The following SLCO3A1 variants were observed in gnomAD, a reference collection of about 807,000 sequenced individuals.
SLCO3A1 encodes PGE1 transporter.
SLCO3A1 carries 27 observed loss-of-function variants against 63.1 expected under a neutral mutation model. The ratio of observed to expected loss-of-function variants is 0.43; its 90% CI spans 0.32 to 0.59. SLCO3A1 has a LOEUF of 0.59. Among genes scored for constraint, SLCO3A1 ranks in the 20% least tolerant of loss-of-function variants. The probability of loss-of-function intolerance (pLI) is 0.09; values close to 1 mark genes in which losing one functional copy is unlikely to be tolerated. For missense variants in SLCO3A1, 773 were observed against 945.8 expected (o/e 0.82, Z 2.40); for synonymous variants, 473 against 409.9 (o/e 1.15, Z -1.86).
rs1897081593 is a variant in SLCO3A1, at chr15:91,862,898, A to G, written c.180+8810A>G. On this transcript the variant is annotated intron_variant, in intron 1 of 9. Transcript: ENST00000318445. The surrounding 1 kb of genome is among the most constrained non-coding windows in gnomAD (Gnocchi z 4.0). ...GCTATTGTCTTTCACCCCCTTTGCA[A>G]GAGGCTTATGTAAAATAGGCAGGCT... Among the ~76,000 whole-genome samples the G allele has an allele frequency of 6.6e-6, 1 of 152,222 alleles. No individual in the cohort carries two copies. Among genetic ancestry groups the G allele is most frequent in the South Asian group, 2.1e-4 (1 of 4,830 alleles).
intron 1 of SLCO3A1, among the ~76,000 whole-genome samples, chr15:91,913,868 C>G (rs1429517336): frequency 2.0e-5 from 3 of 152,158 alleles, no homozygotes; most frequent in African/African-American, 7.2e-5. Flanking sequence ...ATGCTTCTTA[C>G]ATCTTTTCCT....
chr15:91,987,457 T>C (rs2046068496), intron 2 of SLCO3A1, among the ~76,000 whole-genome samples: 1 of 152,118 alleles, frequency 6.6e-6, no homozygotes. Context: ...TTGTTAATAA[T>C]AAAGTCAGGC....
At position 91,966,334 on chromosome 15, in the gene SLCO3A1, G is replaced by A. The variant is rs533134321; in HGVS notation, c.646+49876G>A. ...GACACCAGTGCAGACAAAGAGGTTT[G>A]TAGCCAGGGGAGTGGAGGGACGGAC... On this transcript the variant is annotated intron_variant, in intron 2 of 9. Transcript: ENST00000318445. Among the ~76,000 whole-genome samples, 11 of 152,316 alleles carry A rather than the reference G, an allele frequency of 7.2e-5. No homozygotes were observed. In the East Asian group the frequency reaches 2.1e-3, roughly 29 times the overall value.
intron 2 of SLCO3A1, among the ~76,000 whole-genome samples, chr15:91,997,528 A>G (rs551893016): frequency 6.6e-6 from 1 of 152,344 alleles, no homozygotes; most frequent in African/African-American, 2.4e-5. Flanking sequence ...TATGGAACCA[A>G]TAAAGAGCCT....
chr15:92,005,758 A>G (rs73532490), intron 2 of SLCO3A1, among the ~76,000 whole-genome samples: 2,238 of 152,194 alleles, frequency 0.015, 56 homozygotes, highest in African/African-American at 0.051. Flanking sequence ...AGATTTCTTG[A>G]TGTTATGCAC....
In SLCO3A1 at chr15:91,886,489, G is replaced by A. The variant is rs1054131063; in HGVS notation, c.181-29504G>A. On this transcript the variant is annotated intron_variant, in intron 1 of 9. Coordinates refer to ENST00000318445, the MANE Select transcript of SLCO3A1 (RefSeq NM_013272.4). This position sits in a 1 kb window ranked among gnomAD's most constrained non-coding sequence, Gnocchi z 4.9. The stretch of plus-strand genomic sequence containing the variant: ...AGTGCTCCATGCCTAGAAGGCCCCA[G>A]TGAGCATTGACTTGGACCTGGTGAT... Among the ~76,000 whole-genome samples, 4 of 152,158 alleles carry A rather than the reference G, an allele frequency of 2.6e-5. No homozygotes were observed. Among genetic ancestry groups the A allele is most frequent in the Non-Finnish European group, 5.9e-5 (4 of 68,032 alleles).
At chr15:92,109,527 G>A (rs1251274555) in intron 4 of SLCO3A1, among the ~76,000 whole-genome samples, 4 of 152,150 alleles carry the variant, frequency 2.6e-5, no homozygotes, top group Non-Finnish European at 4.4e-5. Flanking sequence ...TGGGATGAGT[G>A]TAACCGCACC....
chr15:92,069,589 C>G (rs1362893981), intron 2 of SLCO3A1, among the ~76,000 whole-genome samples: 1 of 152,210 alleles, frequency 6.6e-6, no homozygotes, highest in Non-Finnish European at 1.5e-5. Context: ...GCTTCCAGCT[C>G]TGTCAAAATC....
intron 2 of SLCO3A1, among the ~76,000 whole-genome samples, chr15:91,973,628 C>T (rs952405248): frequency 2.0e-5 from 3 of 152,252 alleles, no homozygotes; most frequent in East Asian, 1.9e-4. Flanking sequence ...CACCTCATGA[C>T]GTTTGGCAGT....
intron 7 of SLCO3A1, among the ~76,000 whole-genome samples, chr15:92,130,849 C>CT (rs1466345287): frequency 4.2e-5 from 6 of 143,176 alleles, no homozygotes; most frequent in African/African-American, 1.6e-4. Context: ...CCCTCGCCCC[C>CT]TTTTTTCTCC....
At chr15:92,071,490 C>T (rs144839884) in intron 2 of SLCO3A1, among the ~76,000 whole-genome samples, 136 of 152,284 alleles carry the variant, frequency 8.9e-4, no homozygotes, top group African/African-American at 3.0e-3. Flanking sequence ...AATATATGTT[C>T]AGGGGAAAAA....
At position 91,941,569 on chromosome 15, in the gene SLCO3A1, T is replaced by C. The variant is rs531844468; in HGVS notation, c.646+25111T>C. On this transcript the variant is annotated intron_variant, in intron 2 of 9. Coordinates refer to ENST00000318445, the MANE Select transcript of SLCO3A1 (RefSeq NM_013272.4). This position sits in a 1 kb window ranked among gnomAD's most constrained non-coding sequence, Gnocchi z 4.4. ...GCAATTAGATGAACCAGAGGTTTAT[T>C]TCACTCAGTAAGTAATCTTTTCTCT... 5.0e-4 allele frequency: 226 copies of C among 456,030 alleles called. 1 individual carries two copies. The highest frequency in any genetic ancestry group is 7.8e-4 in the Admixed American group (33 of 42,568). 28.2% of individuals were successfully genotyped at this position (456,030 alleles called of 1,614,324 possible). A position where few individuals can be genotyped will look rare whatever the true frequency, so the allele number is the denominator to read the frequency against.
chr15:91,997,519 A>G (rs72755635), intron 2 of SLCO3A1, among the ~76,000 whole-genome samples: 20,843 of 152,246 alleles, frequency 0.14, 1,956 homozygotes, highest in East Asian at 0.33. Flanking sequence ...TAAAATTTAT[A>G]TGGAACCAAT....
intron 4 of SLCO3A1, among the ~76,000 whole-genome samples, chr15:92,111,751 T>C (rs1468403428): frequency 1.3e-5 from 2 of 152,334 alleles, no homozygotes; most frequent in Non-Finnish European, 2.9e-5. Flanking sequence ...TGGCACTTTG[T>C]TGATATTCCT....
At chr15:91,959,454 G>C (rs751073128) in intron 2 of SLCO3A1, among the ~76,000 whole-genome samples, 10 of 152,020 alleles carry the variant, frequency 6.6e-5, no homozygotes, top group Non-Finnish European at 4.4e-5. Flanking sequence ...TATAGGCTGG[G>C]CACGGTGGCT....
intron 2 of SLCO3A1, among the ~76,000 whole-genome samples, chr15:92,071,235 G>C (rs1356374803): frequency 1.3e-5 from 2 of 152,198 alleles, no homozygotes; most frequent in South Asian, 2.1e-4. Flanking sequence ...GGTGCTGCAT[G>C]CATGCGAGGC....
intron 2 of SLCO3A1, among the ~76,000 whole-genome samples, chr15:91,938,315 TCTC>T (rs112157719): frequency 0.024 from 3,644 of 152,158 alleles, 167 homozygotes; most frequent in African/African-American, 0.082. Flanking sequence ...AGTTTCCTTC[TCTC>T]CTCCTTCTCC....
intron 2 of SLCO3A1, among the ~76,000 whole-genome samples, chr15:92,001,006 G>C (rs771421984): frequency 1.3e-5 from 2 of 152,014 alleles, no homozygotes; most frequent in Non-Finnish European, 2.9e-5. Flanking sequence ...CTTTGTCTCT[G>C]CCTCCTAAAT....
chr15:91,915,149 C>T (rs985644901), intron 1 of SLCO3A1, among the ~76,000 whole-genome samples: 5 of 152,158 alleles, frequency 3.3e-5, no homozygotes, highest in African/African-American at 1.2e-4. Context: ...ATCTCACCTC[C>T]AGTCCCTTTG....
Sources: gnomAD v4.1 joint callset for allele counts (sites outside exome capture counted in the v4.1 genomes callset) on GRCh38, gnomAD v4.1.1 for gene constraint, Gnocchi (gnomAD v3.1) non-coding constraint, MANE v1.5 for transcripts, NCBI Gene and HGNC (gene_info 2026-07-23, HGNC 2026-07-21) for gene names.